Variants in MYH10 observed in about 807,000 individuals in gnomAD.
MYH10 encodes the protein myosin-10.
MYH10 carries 55 observed loss-of-function variants against 257.8 expected under a neutral mutation model. The ratio of observed to expected loss-of-function variants is 0.21; its 90% confidence interval spans 0.17 to 0.27. The LOEUF (loss-of-function observed/expected upper bound fraction) is 0.27, where lower values mean the gene tolerates loss of function less well. Ranked by LOEUF, MYH10 falls within the 10% of genes least tolerant of loss-of-function variation. The pLI is 1.00. For synonymous variants in MYH10, 854 were observed against 921.7 expected, an observed-to-expected ratio of 0.93 and a Z score of 1.33; for missense variants, 1,631 against 2,500.6, an observed-to-expected ratio of 0.65 and a Z score of 7.42.
chr17:8,561,086 G>A (rs913584674), intron 7 of MYH10: 3 of 596,194 alleles, frequency 5.0e-6, no homozygotes, highest in Non-Finnish European at 8.9e-6. Flanking sequence ...GCAGTTCTTT[G>A]GTTTCCTTAT....
intron 1 of MYH10, 61 bp from the exon 2 acceptor site, chr17:8,623,338 T>C: frequency 7.0e-7 from 1 of 1,435,080 alleles, no homozygotes; most frequent in Non-Finnish European, 9.1e-7. Context: ...GTACACGTTT[T>C]TCTTTTCTAA....
In MYH10 at chr17:8,548,494, T is replaced by G. The variant is rs554355821; in HGVS notation, c.1064-86A>C. On this transcript the variant is annotated intron_variant, in intron 10 of 42. Coordinates refer to ENST00000360416, the MANE Select transcript of MYH10 (RefSeq NM_001256012.3). ...TTCTCATTTATTTTGTGCTAAAAAT[T>G]AGCTATACAAAACTTTTCAGTAAGA... is the stretch of plus-strand genomic sequence containing the variant. 118 of 1,385,992 alleles carry G rather than the reference T, an allele frequency of 8.5e-5. No homozygotes were observed. The South Asian group carries it at 1.4e-3, about 16-fold the overall frequency. 85.9% of individuals were successfully genotyped at this position (1,385,992 alleles called of 1,614,324 possible).
chr17:8,614,055 C>A, intron 2 of MYH10, among the ~76,000 whole-genome samples: 1 of 152,050 alleles, frequency 6.6e-6, no homozygotes. Flanking sequence ...ATGTACACAG[C>A]AAAAATGGAC....
chr17:8,479,243 C>G (rs1913243701), intron 40 of MYH10, among the ~76,000 whole-genome samples: 1 of 134,430 alleles, frequency 7.4e-6, no homozygotes, highest in Non-Finnish European at 1.6e-5. Flanking sequence ...AAAAAAAACC[C>G]AAAAACAAAC....
In MYH10 at chr17:8,558,434, C is replaced by T. The variant is rs575357418; in HGVS notation, c.757-4416G>A. Reference sequence around the variant, plus strand: ...TCTTAGTGTTTACCACATACATTAGCTGCTTCAAGCTAAATGGTATTTCAA... The same window carrying T: ...TCTTAGTGTTTACCACATACATTAGTTGCTTCAAGCTAAATGGTATTTCAA... On this transcript the variant is annotated intron_variant, in intron 7 of 42. Transcript: ENST00000360416. Among the ~76,000 whole-genome samples the T allele has an allele frequency of 3.3e-5, 5 of 152,276 alleles. No homozygotes were observed. In the East Asian group the frequency reaches 9.6e-4, roughly 29 times the overall value.
At chr17:8,511,021 T>TATATA (rs1259626894) in intron 24 of MYH10, 3 of 3,646 alleles carry the variant, frequency 8.2e-4, no homozygotes, top group African/African-American at 9.9e-4. Flanking sequence ...ACCCCATATA[T>TATATA]ATATATATAT....
At chr17:8,585,911 T>G (rs899457674) in intron 4 of MYH10, among the ~76,000 whole-genome samples, 1 of 152,236 alleles carries the variant, frequency 6.6e-6, no homozygotes, top group Admixed American at 6.5e-5. Context: ...TGTACTGATG[T>G]CTATCTACAA....
chr17:8,518,049 T>TGTGTGTGTGTGTGA lies in MYH10; in HGVS notation c.2504+581_2504+582insTCACACACACACAC, dbSNP rs1358007659. Among the ~76,000 whole-genome samples the TGTGTGTGTGTGTGA allele has an allele frequency of 6.3e-5, 8 of 126,048 alleles. 1 individual carries two copies. In the East Asian group the frequency reaches 1.2e-3, roughly 19 times the overall value. 82.7% of individuals were successfully genotyped at this position (126,048 alleles called of 152,430 possible). ...CCGTGTGTGTGTGTGTGTGTGTGTG[T>TGTGTGTGTGTGTGA]GAGAAGCATTCTCTGAGGACTTGAG... is the stretch of plus-strand genomic sequence containing the variant. On this transcript the variant is annotated intron_variant, in intron 21 of 42. Transcript: ENST00000360416.
intron 2 of MYH10, among the ~76,000 whole-genome samples, chr17:8,620,268 CTT>C (rs2085415822): frequency 1.3e-5 from 2 of 152,158 alleles, no homozygotes; most frequent in Admixed American, 1.3e-4. Flanking sequence ...AAAAAGATAA[CTT>C]AAAAATCAAC....
At chr17:8,578,185 T>G (rs999812639) in intron 4 of MYH10, among the ~76,000 whole-genome samples, 1 of 152,010 alleles carries the variant, frequency 6.6e-6, no homozygotes, top group Non-Finnish European at 1.5e-5. Flanking sequence ...GGGTTCCTGA[T>G]GGCAGGGGCT....
intron 13 of MYH10, among the ~76,000 whole-genome samples, chr17:8,544,534 T>TA (rs1308914418): frequency 5.3e-5 from 8 of 152,290 alleles, no homozygotes; most frequent in Admixed American, 2.0e-4. Flanking sequence ...AGCAATCTCT[T>TA]AGAGTGGCAG....
At chr17:8,497,199 C>T (rs1269005064) in intron 30 of MYH10, among the ~76,000 whole-genome samples, 1 of 152,158 alleles carries the variant, frequency 6.6e-6, no homozygotes, top group Non-Finnish European at 1.5e-5. Context: ...GTGCTGAGTC[C>T]TAGAGTCCTG....
chr17:8,517,185 A>AT (rs879594300), intron 21 of MYH10, among the ~76,000 whole-genome samples: 5 of 152,038 alleles, frequency 3.3e-5, no homozygotes, highest in Non-Finnish European at 5.9e-5. Context: ...CCTTTTTGCC[A>AT]AATGTTTCTT....
chr17:8,554,114 A>T (rs771658946), intron 7 of MYH10, 96 bp from the exon 8 acceptor site: 15 of 828,962 alleles, frequency 1.8e-5, no homozygotes, highest in Non-Finnish European at 2.8e-5. Context: ...TCCATGAATT[A>T]GTTACAATAA....
intron 23 of MYH10, among the ~76,000 whole-genome samples, chr17:8,513,191 A>G (rs189559662): frequency 9.2e-5 from 14 of 152,312 alleles, no homozygotes; most frequent in Non-Finnish European, 1.9e-4. Context: ...TCGTCCTTTG[A>G]CCATTTTTCT....
intron 17 of MYH10, among the ~76,000 whole-genome samples, chr17:8,530,079 A>G (rs2081967327): frequency 6.6e-6 from 1 of 152,238 alleles, no homozygotes; most frequent in Admixed American, 6.5e-5. Context: ...AAGGCCAAGT[A>G]GCCAGATAGG....
rs115513482 is a variant in MYH10, at chr17:8,544,193, A to G, written c.1431+1255T>C. Among the ~76,000 whole-genome samples the G allele has an allele frequency of 4.7e-3, 722 of 152,320 alleles. 4 individuals are homozygous for G. The highest frequency in any genetic ancestry group is 0.016 in the African/African-American group (671 of 41,568). ...TTTTTCTTTCCTTTTCTCATGACAA[A>G]TAACACTCACTGAACAACTTAGCAT... On this transcript the variant is annotated intron_variant, in intron 13 of 42. Coordinates refer to ENST00000360416, the MANE Select transcript of MYH10 (RefSeq NM_001256012.3).
At chr17:8,546,487 A>C (rs1273658039) in intron 12 of MYH10, 57 bp downstream of exon 12, 1 of 1,400,658 alleles carries the variant, frequency 7.1e-7, no homozygotes, top group Admixed American at 1.7e-5. Context: ...CAGAAGGCCA[A>C]ATGGCCATGG....
chr17:8,508,515 A>G, intron 26 of MYH10, 39 bp downstream of exon 26: 1 of 1,612,428 alleles, frequency 6.2e-7, no homozygotes, highest in Non-Finnish European at 8.5e-7. Flanking sequence ...AAACACTCAC[A>G]TGTCCTAGTC....
Sources: gnomAD v4.1 joint callset for allele counts (sites outside exome capture counted in the v4.1 genomes callset) on GRCh38, gnomAD v4.1.1 for gene constraint, MANE v1.5 for transcripts, NCBI Gene and HGNC (gene_info 2026-07-23, HGNC 2026-07-21) for gene names.